Variants in PTPRM observed in about 807,000 individuals in gnomAD.
The protein encoded by PTPRM is protein tyrosine phosphatase receptor type M, also known as receptor-type tyrosine-protein phosphatase mu.
A neutral mutation model predicts 186.7 loss-of-function variants in PTPRM; 47 were observed. That is an observed-to-expected ratio of 0.25 (90% CI 0.20 to 0.32). The LOEUF (loss-of-function observed/expected upper bound fraction) is 0.32. Among genes scored for constraint, PTPRM ranks in the 10% least tolerant of loss-of-function variants. The pLI, the probability that PTPRM is intolerant of heterozygous loss-of-function variation, is 1.00. For synonymous variants in PTPRM, 668 were observed against 674.9 expected, an observed-to-expected ratio of 0.99 and a Z score of 0.16; for missense variants, 1,494 against 1,865.0, an observed-to-expected ratio of 0.80 and a Z score of 3.66.
At chr18:8,121,547 A>G (rs1230505153) in intron 13 of PTPRM, among the ~76,000 whole-genome samples, 2 of 152,186 alleles carry the variant, frequency 1.3e-5, no homozygotes, top group Non-Finnish European at 2.9e-5. Context: ...AAGACTCTTA[A>G]TCATTTCTTT....
chr18:7,587,242 T>C (rs1472777349), intron 1 of PTPRM, among the ~76,000 whole-genome samples: 1 of 152,216 alleles, frequency 6.6e-6, no homozygotes, highest in Non-Finnish European at 1.5e-5. Context: ...AGTTCATTTA[T>C]CTGTGGGTAG....
chr18:8,296,299 A>G (rs1368505849), intron 19 of PTPRM, 69 bp from the exon 20 acceptor site: 3 of 971,974 alleles, frequency 3.1e-6, no homozygotes, highest in Non-Finnish European at 5.0e-6. Flanking sequence ...TTTTAAGAAC[A>G]TCCTCCATCG....
chr18:8,168,820 T>C (rs2093358136), intron 14 of PTPRM, among the ~76,000 whole-genome samples: 1 of 152,218 alleles, frequency 6.6e-6, no homozygotes, highest in Admixed American at 6.5e-5. Context: ...TAGTGACAAG[T>C]ATCTTTGCAA....
chr18:7,630,918 T>C (rs2144075227), intron 1 of PTPRM, among the ~76,000 whole-genome samples: 1 of 152,298 alleles, frequency 6.6e-6, no homozygotes, highest in East Asian at 1.9e-4. Flanking sequence ...GAGCCAGTGG[T>C]AATTTACATG....
chr18:7,807,015 C>T (rs2044270642), intron 2 of PTPRM, among the ~76,000 whole-genome samples: 1 of 152,170 alleles, frequency 6.6e-6, no homozygotes, highest in Non-Finnish European at 1.5e-5. Context: ...GTATCTCCTT[C>T]ATCTGTGGCA....
rs989537418 is a variant in PTPRM, at chr18:7,568,288, T to C, written c.73+397T>C. ...CCGCCGGGCCGCCTGGCGTAGGCGC[T>C]GCGCGGTCCCCGCCGACCCCGAGCA... On this transcript the variant is annotated intron_variant, in intron 1 of 32. Coordinates refer to ENST00000580170, the MANE Select transcript of PTPRM (RefSeq NM_001105244.2). The surrounding 1 kb of genome is among the most constrained non-coding windows in gnomAD (Gnocchi z 5.1). Among the ~76,000 whole-genome samples, 1 of 151,842 alleles carries C rather than the reference T, an allele frequency of 6.6e-6. No homozygotes were observed. Among genetic ancestry groups the C allele is most frequent in the African/African-American group, 2.4e-5 (1 of 41,506 alleles).
At chr18:7,988,112 G>A (rs1216775390) in intron 7 of PTPRM, among the ~76,000 whole-genome samples, 1 of 152,080 alleles carries the variant, frequency 6.6e-6, no homozygotes, top group African/African-American at 2.4e-5. Context: ...TTGAGTCTGG[G>A]AGGTTGAGGC....
At chr18:8,040,063 T>C (rs1317847932) in intron 7 of PTPRM, among the ~76,000 whole-genome samples, 2 of 152,206 alleles carry the variant, frequency 1.3e-5, no homozygotes, top group African/African-American at 2.4e-5. Flanking sequence ...GAAGTAGTCA[T>C]TTTATGAGAT....
In PTPRM at chr18:8,319,202, A is replaced by G; in HGVS notation, c.2944A>G (p.Ile982Val). The change falls in exon 22 of 33, where the codon ATT becomes GTT. Residue 982 changes from isoleucine to valine, a missense_variant. Around this residue, in one of 3 missense-constraint regions of PTPRM, gnomAD observed 1,107 missense variants for 1,350.2 expected, o/e 0.82. Transcript: ENST00000580170. ...IDGYHRPNHY[I>V]ATQGPMQETI... ...GGGTTATCATCGACCCAATCATTAC[A>G]TTGCTACCCAAGGTAAGTTTATTTC... 6.4e-7 allele frequency: 1 copy of G among 1,558,992 alleles called. No individual in the cohort carries two copies. Among genetic ancestry groups the G allele is most frequent in the Non-Finnish European group, 8.8e-7 (1 of 1,134,232 alleles).
chr18:7,797,632 T>C (rs575666632), intron 2 of PTPRM, among the ~76,000 whole-genome samples: 81 of 152,292 alleles, frequency 5.3e-4, no homozygotes, highest in African/African-American at 1.8e-3. Flanking sequence ...AAATACTCAA[T>C]TGAGCATAAT....
intron 1 of PTPRM, among the ~76,000 whole-genome samples, chr18:7,719,343 C>T (rs774115632): frequency 7.0e-6 from 1 of 143,756 alleles, no homozygotes; most frequent in Non-Finnish European, 1.5e-5. Context: ...TATCAGGATG[C>T]AAAGGCATGA....
chr18:7,911,877 G>C (rs1459195802), intron 4 of PTPRM, among the ~76,000 whole-genome samples: 3 of 88,110 alleles, frequency 3.4e-5, no homozygotes, highest in Non-Finnish European at 6.2e-5. Context: ...TTTTGAGATG[G>C]AGTCTCTCTT....
At chr18:7,606,595 A>C (rs1020073291) in intron 1 of PTPRM, among the ~76,000 whole-genome samples, 26 of 152,186 alleles carry the variant, frequency 1.7e-4, no homozygotes, top group Non-Finnish European at 2.9e-4. Context: ...ATAAGCACAC[A>C]GTCACATATA....
rs191261184 is a variant in PTPRM at position 7,598,299 on chromosome 18, C to T, written c.73+30408C>T. ...AAACAGTGTGGCTCAAAATTATGAT[C>T]CTATGTTTATGAAACTGAAATCTGA... On this transcript the variant is annotated intron_variant, in intron 1 of 32. Coordinates refer to ENST00000580170, the MANE Select transcript of PTPRM (RefSeq NM_001105244.2). 2.7e-3 allele frequency among the ~76,000 whole-genome samples: 404 copies of T among 152,272 alleles called. 1 individual carries two copies. The highest frequency in any genetic ancestry group is 4.2e-3 in the Non-Finnish European group (289 of 68,016).
At chr18:7,795,606 G>A (rs377719013) in intron 2 of PTPRM, among the ~76,000 whole-genome samples, 1 of 152,072 alleles carries the variant, frequency 6.6e-6, no homozygotes, top group African/African-American at 2.4e-5. Flanking sequence ...TGCATTGCAG[G>A]TCAAGTTACA....
intron 1 of PTPRM, among the ~76,000 whole-genome samples, chr18:7,667,989 G>A (rs768240518): frequency 4.6e-5 from 7 of 151,664 alleles, no homozygotes; most frequent in Non-Finnish European, 1.0e-4. Context: ...AGAGGTAATC[G>A]AAGGGCAGTC....
Position 7,947,406 on chromosome 18 carries a change from G to A in PTPRM, c.664-1775G>A, listed in dbSNP as rs2052611059. On this transcript the variant is annotated intron_variant, in intron 5 of 32. Transcript: ENST00000580170. ...ACTCCCAAACTTGTGTCCCTTAGGTGATTCGGCCAATGAAAATATCACAGA... is the reference window on the plus strand; with the variant it reads ...ACTCCCAAACTTGTGTCCCTTAGGTAATTCGGCCAATGAAAATATCACAGA... 2.6e-5 allele frequency among the ~76,000 whole-genome samples: 4 copies of A among 152,328 alleles called. No homozygotes were observed. In the South Asian group the frequency reaches 8.3e-4, roughly 32 times the overall value.
chr18:7,639,460 C>T (rs1479891467), intron 1 of PTPRM, among the ~76,000 whole-genome samples: 3 of 151,336 alleles, frequency 2.0e-5, no homozygotes, highest in Non-Finnish European at 4.4e-5. Flanking sequence ...GATCTTGGCT[C>T]ACTGTAACCT....
intron 4 of PTPRM, among the ~76,000 whole-genome samples, chr18:7,913,597 T>C (rs1454843280): frequency 6.6e-6 from 1 of 152,210 alleles, no homozygotes; most frequent in Non-Finnish European, 1.5e-5. Context: ...TTCCATCCTA[T>C]ATTCTGGCAT....
Sources: allele counts gnomAD v4.1 joint callset (sites outside exome capture counted in the v4.1 genomes callset), GRCh38; gene constraint gnomAD v4.1.1; regional missense constraint gnomAD v4.1.1; non-coding constraint Gnocchi (gnomAD v3.1); transcripts MANE v1.5; gene names NCBI Gene and HGNC (gene_info 2026-07-23, HGNC 2026-07-21).